The following MACROD2 variants were observed in gnomAD, a reference collection of about 807,000 sequenced individuals.
MACROD2 encodes the protein mono-ADP ribosylhydrolase 2.
In MACROD2, 36 loss-of-function variants were observed where a neutral mutation model predicts 70.4. The ratio of observed to expected loss-of-function variants is 0.51; its 90% CI spans 0.39 to 0.68. The LOEUF is 0.68. Ranked by LOEUF, MACROD2 falls within the 30% of genes least tolerant of loss-of-function variation. The pLI is 0.00. For missense variants in MACROD2, 496 were observed against 538.4 expected (o/e 0.92, Z 0.78); for synonymous variants, 172 against 178.8 (o/e 0.96, Z 0.30).
intron 5 of MACROD2, among the ~76,000 whole-genome samples, chr20:14,713,131 G>A (rs78419748): frequency 0.033 from 5,064 of 152,260 alleles, 118 homozygotes; most frequent in Non-Finnish European, 0.048. Context: ...GTGAATGAGT[G>A]TGAAAATGCG....
At chr20:15,377,336 A>ATAT (rs1398680505) in intron 6 of MACROD2, among the ~76,000 whole-genome samples, 1 of 152,242 alleles carries the variant, frequency 6.6e-6, no homozygotes, top group Non-Finnish European at 1.5e-5. Flanking sequence ...CTGTGATAAA[A>ATAT]AGAAAAAGAG....
chr20:14,468,829 G>A (rs1049807973), intron 3 of MACROD2, among the ~76,000 whole-genome samples: 4 of 152,056 alleles, frequency 2.6e-5, no homozygotes, highest in Non-Finnish European at 4.4e-5. Flanking sequence ...GTCATTACAT[G>A]TGTGTCATTA....
At chr20:14,372,308 A>G (rs1446799398) in intron 3 of MACROD2, among the ~76,000 whole-genome samples, 1 of 152,216 alleles carries the variant, frequency 6.6e-6, no homozygotes, top group Non-Finnish European at 1.5e-5. Context: ...TATCCTAAAT[A>G]AAATATTAGC....
At chr20:14,154,754 T>C (rs1189573998) in intron 3 of MACROD2, among the ~76,000 whole-genome samples, 1 of 152,020 alleles carries the variant, frequency 6.6e-6, no homozygotes, top group Non-Finnish European at 1.5e-5. Flanking sequence ...TCTGCTGTAG[T>C]TCCTGGAAAT....
At chr20:14,821,262 G>C (rs1189354060) in intron 5 of MACROD2, among the ~76,000 whole-genome samples, 1 of 152,060 alleles carries the variant, frequency 6.6e-6, no homozygotes, top group African/African-American at 2.4e-5. Flanking sequence ...TAATCTGGCA[G>C]TCAGGAATTA....
intron 8 of MACROD2, among the ~76,000 whole-genome samples, chr20:15,862,466 G>T (rs901906723): frequency 1.3e-5 from 2 of 152,104 alleles, no homozygotes; most frequent in Non-Finnish European, 2.9e-5. Flanking sequence ...TTGCTGCAAA[G>T]TGGCTTATTG....
chr20:15,517,954 A>G (rs2047593318), intron 8 of MACROD2, among the ~76,000 whole-genome samples: 1 of 152,270 alleles, frequency 6.6e-6, no homozygotes, highest in Non-Finnish European at 1.5e-5. Context: ...AAAGATGAAC[A>G]GACATGATTT....
rs1278765294 is a variant in MACROD2, at chr20:14,298,464, A to G, written c.272-195015A>G. On this transcript the variant is annotated intron_variant, in intron 3 of 17. Transcript: ENST00000684519. ...GTGTCTGTAATCCTAGCTACTCAGG[A>G]GGCTGAGGCAGGAGAATCACTTGAA... 2.0e-5 allele frequency among the ~76,000 whole-genome samples: 3 copies of G among 151,424 alleles called. 1 individual carries two copies. The highest frequency in any genetic ancestry group is 7.3e-5 in the African/African-American group (3 of 40,958).
chr20:14,024,341 A>T (rs2053127856), intron 2 of MACROD2, among the ~76,000 whole-genome samples: 1 of 152,216 alleles, frequency 6.6e-6, no homozygotes, highest in African/African-American at 2.4e-5. Flanking sequence ...GCAAACAGAG[A>T]CAATTTGACT....
intron 3 of MACROD2, among the ~76,000 whole-genome samples, chr20:14,100,743 A>T (rs1273603229): frequency 7.3e-6 from 1 of 136,716 alleles, no homozygotes; most frequent in Non-Finnish European, 1.5e-5. Context: ...ATATAAATAT[A>T]ATATATAATA....
chr20:15,016,022 A>G (rs2075118567), intron 5 of MACROD2, among the ~76,000 whole-genome samples: 1 of 152,138 alleles, frequency 6.6e-6, no homozygotes, highest in Non-Finnish European at 1.5e-5. Flanking sequence ...TCATTTTTCC[A>G]CATAAGTACA....
intron 6 of MACROD2, among the ~76,000 whole-genome samples, chr20:15,233,507 A>G (rs770162269): frequency 4.6e-5 from 7 of 152,162 alleles, no homozygotes; most frequent in Non-Finnish European, 8.8e-5. Flanking sequence ...TAGAAATAAG[A>G]TACTGATTTG....
chr20:15,025,363 G>T (rs1354863341), intron 5 of MACROD2, among the ~76,000 whole-genome samples: 1 of 151,972 alleles, frequency 6.6e-6, no homozygotes, highest in Non-Finnish European at 1.5e-5. Flanking sequence ...AGGCAGCTCT[G>T]ATGGTCTCCT....
At position 15,986,764 on chromosome 20, in the gene MACROD2, T is replaced by G; in HGVS notation, c.1023T>G (p.Ile341Met). ...ENDSTKNEIK[I>M]ETESQSSYME... ...ATTCAACGAAGAATGAAATAAAAATTGAAACAGAATCGCAGAGCTCATATA... is the reference window on the plus strand; with the variant it reads ...ATTCAACGAAGAATGAAATAAAAATGGAAACAGAATCGCAGAGCTCATATA... The change falls in exon 14 of 18, where the codon ATT (isoleucine) becomes ATG (methionine). Residue 341 changes from isoleucine to methionine, a missense_variant. Physicochemically the swap from Ile to Met is conservative, Grantham distance 10. Transcript: ENST00000684519. The G allele has an allele frequency of 6.2e-7, 1 of 1,613,418 alleles. No individual in the cohort carries two copies. Among genetic ancestry groups the G allele is most frequent in the Non-Finnish European group, 8.5e-7 (1 of 1,179,486 alleles).
chr20:15,499,781 C>G lies in MACROD2; in HGVS notation c.579C>G (p.Pro193=), dbSNP rs779031834. ...PCISTGIYGF[P]NEPAAVIALN... ...TTCCTGCTCTTCATCTAGGCTTTCC[C>G]AACGAGCCTGCTGCAGTCATTGCCC... is the stretch of plus-strand genomic sequence containing the variant. Residue 193 remains proline, a synonymous_variant, in exon 8 of 18, where the codon CCC becomes CCG. Coordinates refer to ENST00000684519, the MANE Select transcript of MACROD2 (RefSeq NM_001351661.2). The G allele has an allele frequency of 6.2e-7, 1 of 1,613,670 alleles. No individual in the cohort carries two copies. The highest frequency in any genetic ancestry group is 8.5e-7 in the Non-Finnish European group (1 of 1,179,712).
intron 6 of MACROD2, among the ~76,000 whole-genome samples, chr20:15,347,020 A>C (rs2078174045): frequency 6.6e-6 from 1 of 152,228 alleles, no homozygotes; most frequent in Admixed American, 6.5e-5. Flanking sequence ...TGAGAAGTTC[A>C]TTCCAGTTCT....
chr20:14,950,459 C>T (rs559211938), intron 5 of MACROD2, among the ~76,000 whole-genome samples: 11 of 152,160 alleles, frequency 7.2e-5, no homozygotes, highest in East Asian at 3.9e-4. Context: ...CTTGGCAGGA[C>T]GTAAACATAG....
intron 3 of MACROD2, among the ~76,000 whole-genome samples, chr20:14,330,624 A>G (rs2082818477): frequency 6.6e-6 from 1 of 152,110 alleles, no homozygotes; most frequent in African/African-American, 2.4e-5. Context: ...ACAATTACAG[A>G]TACATATAAT....
chr20:15,934,686 G>GT (rs745358288), intron 11 of MACROD2, among the ~76,000 whole-genome samples: 10 of 149,790 alleles, frequency 6.7e-5, no homozygotes, highest in African/African-American at 2.4e-4. Flanking sequence ...TTTGTTTTTT[G>GT]TTTTTTGTTT....
Sources: gnomAD v4.1 joint callset for allele counts (sites outside exome capture counted in the v4.1 genomes callset) on GRCh38, gnomAD v4.1.1 for gene constraint, MANE v1.5 for transcripts, NCBI Gene and HGNC (gene_info 2026-07-23, HGNC 2026-07-21) for gene names.